The following TMEM132D variants were observed in gnomAD, a reference collection of about 807,000 sequenced individuals.
TMEM132D encodes the protein transmembrane protein 132D, also known as mature OL transmembrane protein.
TMEM132D carries 21 observed loss-of-function variants against 62.3 expected under a neutral mutation model. That is an observed-to-expected ratio of 0.34 (90% CI 0.24 to 0.49). The LOEUF (loss-of-function observed/expected upper bound fraction) is 0.49, where lower values mean the gene tolerates loss of function less well. Among genes scored for constraint, TMEM132D ranks in the 20% least tolerant of loss-of-function variants. The probability of loss-of-function intolerance (pLI) is 0.99; values close to 1 mark genes in which losing one functional copy is unlikely to be tolerated. For missense variants in TMEM132D, 1,346 were observed against 1,402.8 expected (o/e 0.96, Z 0.65); for synonymous variants, 621 against 575.6 (o/e 1.08, Z -1.13).
chr12:129,524,426 T>A lies in TMEM132D; in HGVS notation c.1115+6633A>T, dbSNP rs188647114. On this transcript the variant is annotated intron_variant, in intron 3 of 8. Transcript: ENST00000422113. Reference sequence around the variant, plus strand: ...ATTTTCTCCCCGTTCAACATTACAGTTTCAGGTTAATTTCTTGCTGATATA... The same window carrying A: ...ATTTTCTCCCCGTTCAACATTACAGATTCAGGTTAATTTCTTGCTGATATA... 1.3e-3 allele frequency among the ~76,000 whole-genome samples: 195 copies of A among 152,258 alleles called. 2 individuals carry two copies. The highest frequency in any genetic ancestry group is 0.01 in the Middle Eastern group (3 of 294).
intron 5 of TMEM132D, among the ~76,000 whole-genome samples, chr12:129,097,307 G>A (rs2135632837): frequency 6.6e-6 from 1 of 152,368 alleles, no homozygotes; most frequent in South Asian, 2.1e-4. Flanking sequence ...AGTATTCTCA[G>A]CCCTGTTTGT....
intron 4 of TMEM132D, among the ~76,000 whole-genome samples, chr12:129,238,066 C>A (rs1032346124): frequency 6.6e-6 from 1 of 152,112 alleles, no homozygotes; most frequent in Admixed American, 6.5e-5. Flanking sequence ...AGGGTCTGAT[C>A]CTCACCACCA....
chr12:129,343,792 C>T (rs1869593874), intron 3 of TMEM132D, among the ~76,000 whole-genome samples: 1 of 151,428 alleles, frequency 6.6e-6, no homozygotes, highest in Non-Finnish European at 1.5e-5. Flanking sequence ...AACAAATGAG[C>T]CGGGCATGGT....
At chr12:129,377,097 A>G (rs1340853662) in intron 3 of TMEM132D, among the ~76,000 whole-genome samples, 1 of 152,192 alleles carries the variant, frequency 6.6e-6, no homozygotes, top group Non-Finnish European at 1.5e-5. Flanking sequence ...GTCTCAGTTT[A>G]CCTTTTTAAC....
At chr12:129,391,473 G>A (rs1871287172) in intron 3 of TMEM132D, among the ~76,000 whole-genome samples, 1 of 152,196 alleles carries the variant, frequency 6.6e-6, no homozygotes, top group Non-Finnish European at 1.5e-5. Flanking sequence ...ATTTAGGCCA[G>A]AGCAATGAGA....
chr12:129,849,048 G>A (rs540892404), intron 1 of TMEM132D, among the ~76,000 whole-genome samples: 1 of 141,412 alleles, frequency 7.1e-6, no homozygotes, highest in Non-Finnish European at 1.6e-5. Context: ...TGGAGTAGGG[G>A]CTTAGTAATT....
intron 4 of TMEM132D, among the ~76,000 whole-genome samples, chr12:129,319,923 A>G (rs1328024754): frequency 3.3e-5 from 5 of 152,228 alleles, no homozygotes; most frequent in African/African-American, 7.2e-5. Context: ...ACAGGCTACA[A>G]TGATGATGGA....
At chr12:129,205,017 G>T (rs180867529) in intron 5 of TMEM132D, among the ~76,000 whole-genome samples, 1 of 152,278 alleles carries the variant, frequency 6.6e-6, no homozygotes, top group Admixed American at 6.5e-5. Flanking sequence ...AAGAGGTCCT[G>T]AAAGGAGCAC....
At chr12:129,579,862 C>A (rs1445447056) in intron 2 of TMEM132D, among the ~76,000 whole-genome samples, 1 of 152,174 alleles carries the variant, frequency 6.6e-6, no homozygotes, top group Non-Finnish European at 1.5e-5. Flanking sequence ...TTAACCATCA[C>A]AATGAGAGAC....
intron 3 of TMEM132D, among the ~76,000 whole-genome samples, chr12:129,413,839 A>G (rs1457327903): frequency 3.3e-5 from 5 of 152,244 alleles, no homozygotes; most frequent in Non-Finnish European, 7.3e-5. Context: ...TCCAGAAATA[A>G]GTAATATTCC....
intron 3 of TMEM132D, among the ~76,000 whole-genome samples, chr12:129,420,306 G>GTTTTTTTTTTTTTTTTTTTTTTTTTTT (rs71082709): frequency 3.6e-5 from 4 of 112,300 alleles, no homozygotes; most frequent in Non-Finnish European, 5.1e-5. Flanking sequence ...CACGTTCTCT[G>GTTTTTTTTTTTTTTTTTTTTTTTTTTT]TTTTTTTTTT....
chr12:129,647,121 C>CAT (rs34158444), intron 2 of TMEM132D, among the ~76,000 whole-genome samples: 1,819 of 146,424 alleles, frequency 0.012, 32 homozygotes, highest in African/African-American at 0.042. Context: ...TACATACATA[C>CAT]ATATATATAT....
chr12:129,712,856 G>A (rs961051087), intron 1 of TMEM132D, among the ~76,000 whole-genome samples: 8 of 152,088 alleles, frequency 5.3e-5, no homozygotes, highest in African/African-American at 1.2e-4. Context: ...CAGAAGGAAC[G>A]TCTCAGACTT....
At chr12:129,147,718 G>A (rs1876952572) in intron 5 of TMEM132D, among the ~76,000 whole-genome samples, 1 of 152,188 alleles carries the variant, frequency 6.6e-6, no homozygotes, top group South Asian at 2.1e-4. Flanking sequence ...TTGACCTTCA[G>A]TCATTTCGTT....
intron 4 of TMEM132D, among the ~76,000 whole-genome samples, chr12:129,234,194 G>T (rs928654220): frequency 2.0e-5 from 3 of 152,190 alleles, no homozygotes; most frequent in Non-Finnish European, 2.9e-5. Context: ...ATGCAGGAAG[G>T]ATGCTAAGAA....
At chr12:129,152,197 A>C (rs1877095109) in intron 5 of TMEM132D, among the ~76,000 whole-genome samples, 3 of 152,272 alleles carry the variant, frequency 2.0e-5, no homozygotes, top group African/African-American at 7.2e-5. Flanking sequence ...AAATCAACTC[A>C]CCTAAAACAA....
At chr12:129,084,728 G>T in intron 5 of TMEM132D, 26 bp from the exon 6 acceptor site, 1 of 1,609,676 alleles carries the variant, frequency 6.2e-7, no homozygotes, top group Non-Finnish European at 8.5e-7. Context: ...AGAGAAAAGG[G>T]GAGGGAAAGG....
chr12:129,886,755 C>T (rs957363144), intron 1 of TMEM132D, among the ~76,000 whole-genome samples: 1 of 152,162 alleles, frequency 6.6e-6, no homozygotes, highest in Non-Finnish European at 1.5e-5. Flanking sequence ...GTTCCCATAA[C>T]CTCCACGTGT....
At chr12:129,294,336 C>T (rs1566024231) in intron 4 of TMEM132D, among the ~76,000 whole-genome samples, 2 of 152,096 alleles carry the variant, frequency 1.3e-5, no homozygotes, top group African/African-American at 2.4e-5. Flanking sequence ...TGCAATGAAG[C>T]TTGTAATAAA....
Sources: allele counts gnomAD v4.1 joint callset (sites outside exome capture counted in the v4.1 genomes callset), GRCh38; gene constraint gnomAD v4.1.1; transcripts MANE v1.5; gene names NCBI Gene and HGNC (gene_info 2026-07-23, HGNC 2026-07-21).